Variants in SCMH1 observed in about 807,000 individuals in gnomAD.
SCMH1 encodes the protein Scm polycomb group protein homolog 1, also known as polycomb protein SCMH1.
SCMH1 carries 37 observed loss-of-function variants against 70.8 expected under a neutral mutation model. The observed-to-expected ratio is 0.52, with a 90% CI of 0.40 to 0.69. SCMH1 has a LOEUF of 0.69. Among genes scored for constraint, SCMH1 ranks in the 30% least tolerant of loss-of-function variants. The probability of loss-of-function intolerance (pLI) is 0.00; values close to 1 mark genes in which losing one functional copy is unlikely to be tolerated. For missense variants in SCMH1, 607 were observed against 827.3 expected (o/e 0.73, Z 3.27); for synonymous variants, 292 against 307.4 (o/e 0.95, Z 0.52).
intron 8 of SCMH1, among the ~76,000 whole-genome samples, chr1:41,090,958 G>T (rs992961748): frequency 5.9e-5 from 9 of 151,678 alleles, no homozygotes; most frequent in Non-Finnish European, 1.3e-4. Context: ...AGAATGGTGT[G>T]AACCTGGGAG....
At chr1:41,062,422 G>A (rs1653003038) in intron 10 of SCMH1, among the ~76,000 whole-genome samples, 1 of 151,718 alleles carries the variant, frequency 6.6e-6, no homozygotes, top group African/African-American at 2.4e-5. Flanking sequence ...TGACCAACAT[G>A]TTAAAACCCT....
intron 1 of SCMH1, among the ~76,000 whole-genome samples, chr1:41,208,590 A>T (rs1656217387): frequency 6.6e-6 from 1 of 152,216 alleles, no homozygotes; most frequent in Non-Finnish European, 1.5e-5. Flanking sequence ...AAAACCACAC[A>T]ACTACATGGA....
At chr1:41,213,122 A>G (rs1657393732) in intron 1 of SCMH1, among the ~76,000 whole-genome samples, 1 of 152,186 alleles carries the variant, frequency 6.6e-6, no homozygotes, top group Non-Finnish European at 1.5e-5. Flanking sequence ...AAGCAATGTA[A>G]GTTGTTAAAG....
At chr1:41,160,227 G>C (rs1024139705) in intron 4 of SCMH1, among the ~76,000 whole-genome samples, 28 of 152,102 alleles carry the variant, frequency 1.8e-4, no homozygotes, top group African/African-American at 6.8e-4. Context: ...AATTGATACA[G>C]GTATCTGGAT....
At chr1:41,061,358 T>G (rs1433697238) in intron 10 of SCMH1, among the ~76,000 whole-genome samples, 1 of 152,160 alleles carries the variant, frequency 6.6e-6, no homozygotes, top group Non-Finnish European at 1.5e-5. Context: ...TATAAAGACA[T>G]ATATAGATTA....
At chr1:41,205,040 G>A (rs182311157) in intron 1 of SCMH1, among the ~76,000 whole-genome samples, 94 of 152,252 alleles carry the variant, frequency 6.2e-4, no homozygotes, top group African/African-American at 2.0e-3. Context: ...AACAGTTAAG[G>A]AAAATCTCTT....
At chr1:41,134,943 A>T (rs1397155791) in intron 6 of SCMH1, among the ~76,000 whole-genome samples, 3 of 152,074 alleles carry the variant, frequency 2.0e-5, no homozygotes, top group African/African-American at 4.8e-5. Flanking sequence ...GTCAAAGCTC[A>T]TATGATTTTA....
intron 9 of SCMH1, among the ~76,000 whole-genome samples, chr1:41,072,721 C>T (rs1618022): frequency 0.54 from 81,442 of 151,916 alleles, 23,556 homozygotes; most frequent in African/African-American, 0.77. Flanking sequence ...TAAAAATTAG[C>T]TGGGCATAGT....
At chr1:41,081,244 G>A (rs901238368) in intron 8 of SCMH1, among the ~76,000 whole-genome samples, 1 of 152,156 alleles carries the variant, frequency 6.6e-6, no homozygotes, top group Non-Finnish European at 1.5e-5. Context: ...GATATCACAT[G>A]GCCATGAAGG....
intron 6 of SCMH1, among the ~76,000 whole-genome samples, chr1:41,125,223 T>C (rs907285911): frequency 7.9e-5 from 12 of 152,106 alleles, no homozygotes; most frequent in African/African-American, 1.7e-4. Context: ...ATTCCTTCTA[T>C]ATATTTTTTT....
chr1:41,047,797 C>T (rs1285561304), intron 11 of SCMH1, among the ~76,000 whole-genome samples: 1 of 152,198 alleles, frequency 6.6e-6, no homozygotes, highest in Non-Finnish European at 1.5e-5. Flanking sequence ...ACTCTGTATA[C>T]ATTTCCCTAT....
At chr1:41,192,710 C>T (rs1170584095) in intron 1 of SCMH1, among the ~76,000 whole-genome samples, 2 of 152,172 alleles carry the variant, frequency 1.3e-5, no homozygotes. Context: ...TCCAAACATT[C>T]TTGACATTTA....
chr1:41,187,278 A>G (rs995509828), intron 1 of SCMH1, among the ~76,000 whole-genome samples: 1 of 151,956 alleles, frequency 6.6e-6, no homozygotes, highest in Non-Finnish European at 1.5e-5. Flanking sequence ...CCTGGCCAAC[A>G]TGGCGAAACC....
intron 9 of SCMH1, among the ~76,000 whole-genome samples, chr1:41,072,924 T>C (rs1657033435): frequency 6.6e-6 from 1 of 152,054 alleles, no homozygotes; most frequent in Non-Finnish European, 1.5e-5. Context: ...GTGGAAGGCA[T>C]ATACACTTGT....
intron 10 of SCMH1, among the ~76,000 whole-genome samples, chr1:41,067,133 T>C (rs888765103): frequency 2.0e-5 from 3 of 151,962 alleles, no homozygotes; most frequent in African/African-American, 7.3e-5. Context: ...CAATGAAATA[T>C]TTTTCAGTGC....
At chr1:41,047,837 ATTCT>A (rs776159834) in intron 11 of SCMH1, among the ~76,000 whole-genome samples, 13 of 152,206 alleles carry the variant, frequency 8.5e-5, no homozygotes, top group Non-Finnish European at 1.6e-4. Flanking sequence ...AGCTATGTAT[ATTCT>A]TTCTTTTTCA....
chr1:41,149,686 C>T (rs213769), intron 5 of SCMH1, among the ~76,000 whole-genome samples: 81,455 of 151,958 alleles, frequency 0.54, 23,617 homozygotes, highest in African/African-American at 0.78. Flanking sequence ...TTTGTCAGGC[C>T]GGACTGAAGC....
intron 1 of SCMH1, among the ~76,000 whole-genome samples, chr1:41,214,870 T>C (rs936655854): frequency 2.0e-5 from 3 of 152,188 alleles, no homozygotes; most frequent in African/African-American, 7.2e-5. Flanking sequence ...TATAAAGTGT[T>C]TGAAAATGTC....
exon 15 of SCMH1, chr1:41,027,382 C>T (rs910701011): frequency 2.0e-5 from 3 of 152,322 alleles, no homozygotes; most frequent in Non-Finnish European, 4.4e-5. Context: ...GCCTTCCGGC[C>T]TGATTTTCTT....
Sources: gnomAD v4.1 joint callset for allele counts (sites outside exome capture counted in the v4.1 genomes callset) on GRCh38, gnomAD v4.1.1 for gene constraint, MANE v1.5 for transcripts, NCBI Gene and HGNC (gene_info 2026-07-23, HGNC 2026-07-21) for gene names.